The following ZSCAN5A variants were observed in gnomAD, a reference collection of about 807,000 sequenced individuals.
The protein encoded by ZSCAN5A is zinc finger and SCAN domain-containing protein 5A.
A neutral mutation model predicts 23.7 loss-of-function variants in ZSCAN5A; 12 were observed. The ratio of observed to expected loss-of-function variants is 0.51; its 90% CI spans 0.32 to 0.82. The LOEUF (loss-of-function observed/expected upper bound fraction) is 0.82, where lower values mean the gene tolerates loss of function less well. ZSCAN5A is among the 40% of genes least tolerant of loss of function. The pLI is 0.03. For missense variants in ZSCAN5A, 597 were observed against 617.9 expected (o/e 0.97, Z 0.36); for synonymous variants, 257 against 239.9 (o/e 1.07, Z -0.66).
chr19:56,368,129 C>T (rs899965927), intron 1 of ZSCAN5A: 4 of 152,382 alleles, frequency 2.6e-5, no homozygotes, highest in African/African-American at 7.2e-5. Context: ...GAACTCACGC[C>T]TACGTACTCA....
intron 2 of ZSCAN5A, 25 bp downstream of exon 2, chr19:56,313,258 C>G (rs1334146976): frequency 5.7e-6 from 2 of 349,628 alleles, no homozygotes; most frequent in Non-Finnish European, 1.1e-5. Flanking sequence ...GGGCAATTTA[C>G]AAAAGAAAGG....
chr19:56,233,801 C>A (rs1484037578), intron 2 of ZSCAN5A, among the ~76,000 whole-genome samples: 2 of 152,082 alleles, frequency 1.3e-5, no homozygotes, highest in African/African-American at 4.8e-5. Flanking sequence ...AGTCCCAGTT[C>A]AGATGTGCAG....
chr19:56,285,693 C>A (rs538191248), intron 2 of ZSCAN5A, among the ~76,000 whole-genome samples: 21 of 152,228 alleles, frequency 1.4e-4, no homozygotes, highest in Middle Eastern at 3.4e-3. Context: ...GTCGGCCAGG[C>A]TGGTCTCGAA....
At chr19:56,302,532 C>CCCCTCTTCCTT (rs752555827) in intron 2 of ZSCAN5A, among the ~76,000 whole-genome samples, 2 of 26,634 alleles carry the variant, frequency 7.5e-5, no homozygotes, top group African/African-American at 1.7e-4. Flanking sequence ...CTCCCTCCCT[C>CCCCTCTTCCTT]TTCTTCCTCC....
chr19:56,316,768 T>G (rs1254915669), upstream of ZSCAN5A: 1 of 152,398 alleles, frequency 6.6e-6, no homozygotes, highest in African/African-American at 2.4e-5. Flanking sequence ...ACAAATTCTC[T>G]GCCACTAATG....
At chr19:56,268,756 C>G (rs2037644567) in intron 2 of ZSCAN5A, among the ~76,000 whole-genome samples, 1 of 152,132 alleles carries the variant, frequency 6.6e-6, no homozygotes, top group Non-Finnish European at 1.5e-5. Flanking sequence ...TTACCCCTCA[C>G]CCCATCTCAC....
chr19:56,319,500 A>G (rs1299574791), upstream of ZSCAN5A, among the ~76,000 whole-genome samples: 8 of 107,214 alleles, frequency 7.5e-5, no homozygotes, highest in East Asian at 9.6e-4. Context: ...CATCTCGGGA[A>G]AAAAAAAAAA....
chr19:56,354,567 A>G (rs569872393), intron 2 of ZSCAN5A: 3 of 152,154 alleles, frequency 2.0e-5, no homozygotes, highest in Non-Finnish European at 4.4e-5. Flanking sequence ...TTTATTCAGG[A>G]AGCTTTTGGA....
chr19:56,251,075 GGGT>G (rs1322873206), intron 2 of ZSCAN5A, among the ~76,000 whole-genome samples: 1 of 151,712 alleles, frequency 6.6e-6, no homozygotes, highest in African/African-American at 2.4e-5. Flanking sequence ...GCTTGAACCC[GGGT>G]GGCAGAGATT....
chr19:56,321,652 A>G (rs1280051714), intron 2 of ZSCAN5A: 3 of 1,017,986 alleles, frequency 2.9e-6, no homozygotes, highest in African/African-American at 1.6e-5. Context: ...TATGTCGTCC[A>G]TCATAGTAGA....
chr19:56,320,078 C>G (rs945509059), intron 2 of ZSCAN5A: 1 of 774,704 alleles, frequency 1.3e-6, no homozygotes, highest in Non-Finnish European at 2.4e-6. Context: ...CTTCTTATAC[C>G]TGTCACTGTC....
intron 2 of ZSCAN5A, chr19:56,319,857 G>A: frequency 1.3e-6 from 1 of 794,230 alleles, no homozygotes; most frequent in Admixed American, 1.7e-5. Flanking sequence ...AGTATAAAGA[G>A]CCGGCTTCCA....
intron 2 of ZSCAN5A, among the ~76,000 whole-genome samples, chr19:56,267,486 G>A (rs1194712588): frequency 6.6e-6 from 1 of 152,182 alleles, no homozygotes; most frequent in Non-Finnish European, 1.5e-5. Context: ...AGATTTACAT[G>A]CTTCATAATG....
At chr19:56,301,647 C>G (rs73937230) in intron 2 of ZSCAN5A, among the ~76,000 whole-genome samples, 5,574 of 152,158 alleles carry the variant, frequency 0.037, 361 homozygotes, top group African/African-American at 0.13. Flanking sequence ...TTTTACCCAG[C>G]CCCTATTCAA....
At chr19:56,364,144 G>T (rs2041750538) in intron 1 of ZSCAN5A, among the ~76,000 whole-genome samples, 3 of 152,178 alleles carry the variant, frequency 2.0e-5, no homozygotes, top group Admixed American at 2.0e-4. Flanking sequence ...ATGAACAGCT[G>T]GAGAGCTTCT....
chr19:56,228,025 C>CTAAAA (rs1232023018), intron 2 of ZSCAN5A, among the ~76,000 whole-genome samples: 2 of 151,942 alleles, frequency 1.3e-5, no homozygotes, highest in Non-Finnish European at 2.9e-5. Flanking sequence ...GACCCTGTCT[C>CTAAAA]TAAAATAAAA....
intron 2 of ZSCAN5A, among the ~76,000 whole-genome samples, chr19:56,344,909 C>CAAAAAAAAAAAA (rs1019131536): frequency 7.4e-4 from 14 of 19,042 alleles, no homozygotes; most frequent in African/African-American, 2.3e-3. Context: ...GACTCCGTCT[C>CAAAAAAAAAAAA]AAAAAAAAAA....
upstream of ZSCAN5A, among the ~76,000 whole-genome samples, chr19:56,319,534 T>C (rs1264086018): frequency 7.4e-6 from 1 of 134,312 alleles, no homozygotes; most frequent in African/African-American, 2.8e-5. Flanking sequence ...TTACACAAAA[T>C]GCTGGGGTGC....
At chr19:56,234,947 G>A (rs1487522430) in intron 2 of ZSCAN5A, among the ~76,000 whole-genome samples, 1 of 152,238 alleles carries the variant, frequency 6.6e-6, no homozygotes, top group Non-Finnish European at 1.5e-5. Context: ...AGGGGTTAAG[G>A]TAGAAGCAAA....
Sources: allele counts gnomAD v4.1 joint callset (sites outside exome capture counted in the v4.1 genomes callset), GRCh38; gene constraint gnomAD v4.1.1; transcripts MANE v1.5; gene names NCBI Gene and HGNC (gene_info 2026-07-23, HGNC 2026-07-21).